Variants in NPAS3 observed in about 807,000 individuals in gnomAD.
The protein encoded by NPAS3 is neuronal PAS domain-containing protein 3.
A neutral mutation model predicts 73.1 loss-of-function variants in NPAS3; 14 were observed. That is an observed-to-expected ratio of 0.19 (90% CI 0.13 to 0.30). NPAS3 has a LOEUF of 0.30. Ranked by LOEUF, NPAS3 falls within the 10% of genes least tolerant of loss-of-function variation. NPAS3 has a pLI of 1.00. For missense variants in NPAS3, 1,096 were observed against 1,250.0 expected (o/e 0.88, Z 1.86); for synonymous variants, 620 against 541.5 (o/e 1.14, Z -2.01).
At chr14:33,422,217 T>G (rs2048384499) in intron 4 of NPAS3, among the ~76,000 whole-genome samples, 1 of 151,980 alleles carries the variant, frequency 6.6e-6, no homozygotes, top group Admixed American at 6.6e-5. Flanking sequence ...ATTTTGAGAT[T>G]CTCATCTGAG....
intron 5 of NPAS3, among the ~76,000 whole-genome samples, chr14:33,623,044 C>T (rs2058122224): frequency 1.3e-5 from 2 of 151,990 alleles, no homozygotes; most frequent in South Asian, 4.2e-4. Context: ...AATATCAAGA[C>T]CTACAGTAAC....
intron 2 of NPAS3, among the ~76,000 whole-genome samples, chr14:33,198,862 G>A (rs1252689718): frequency 1.3e-5 from 2 of 152,222 alleles, no homozygotes; most frequent in African/African-American, 2.4e-5. Context: ...CAGGCTGCAG[G>A]TCCCGGAGCC....
At chr14:33,198,394 G>A (rs2046465913) in intron 2 of NPAS3, among the ~76,000 whole-genome samples, 1 of 152,186 alleles carries the variant, frequency 6.6e-6, no homozygotes, top group South Asian at 2.1e-4. Flanking sequence ...TTGACAGGGT[G>A]CTGATTGGCA....
chr14:33,308,976 G>A (rs968844879), intron 3 of NPAS3, among the ~76,000 whole-genome samples: 1 of 151,960 alleles, frequency 6.6e-6, no homozygotes, highest in East Asian at 1.9e-4. Context: ...AGAAATTTGC[G>A]AAAGAAAAAC....
At chr14:32,957,695 C>T (rs377407691) in intron 1 of NPAS3, among the ~76,000 whole-genome samples, 1 of 152,104 alleles carries the variant, frequency 6.6e-6, no homozygotes, top group Non-Finnish European at 1.5e-5. Flanking sequence ...TCTATTCCAG[C>T]ATTCTATTTT....
In NPAS3 at chr14:33,798,255, C is replaced by T. The variant is rs187454129; in HGVS notation, c.1426+674C>T. On this transcript the variant is annotated intron_variant, in intron 11 of 11. Transcript: ENST00000356141. ...TGCATTTTCATTTCCTTTGGGGAAGCGGACTTCCTGAGTAGTTCTTTGGGA... is the reference window on the plus strand; with the variant it reads ...TGCATTTTCATTTCCTTTGGGGAAGTGGACTTCCTGAGTAGTTCTTTGGGA... Among the ~76,000 whole-genome samples, 6 of 152,252 alleles carry T rather than the reference C, an allele frequency of 3.9e-5. No homozygotes were observed. The East Asian group carries it at 7.7e-4, about 20-fold the overall frequency.
intron 7 of NPAS3, among the ~76,000 whole-genome samples, chr14:33,752,117 C>T (rs1328801471): frequency 1.3e-5 from 2 of 152,134 alleles, no homozygotes; most frequent in Non-Finnish European, 2.9e-5. Flanking sequence ...GAAAACCTCT[C>T]CCTTTCTTTC....
At chr14:33,465,120 A>G (rs183760456) in intron 4 of NPAS3, among the ~76,000 whole-genome samples, 1 of 152,246 alleles carries the variant, frequency 6.6e-6, no homozygotes, top group East Asian at 1.9e-4. Flanking sequence ...CAAATTATGT[A>G]TTTGTAGTAT....
At chr14:33,353,025 T>A (rs1239916194) in intron 3 of NPAS3, among the ~76,000 whole-genome samples, 26 of 152,126 alleles carry the variant, frequency 1.7e-4, no homozygotes, top group Non-Finnish European at 2.9e-5. Flanking sequence ...GAGGTCAGCA[T>A]TTAGTATTTT....
chr14:32,938,470 A>AGAGAGAAATG (rs1434409380), upstream of NPAS3, among the ~76,000 whole-genome samples: 1 of 129,300 alleles, frequency 7.7e-6, no homozygotes. Flanking sequence ...AGAGAGAGAG[A>AGAGAGAAATG]GAGAGAGAGA....
intron 3 of NPAS3, among the ~76,000 whole-genome samples, chr14:33,271,410 C>T (rs2041072360): frequency 6.6e-6 from 1 of 151,958 alleles, no homozygotes; most frequent in Non-Finnish European, 1.5e-5. Flanking sequence ...CCATGACTCA[C>T]CTTGGGGAAG....
chr14:33,506,547 A>G (rs1398492702), intron 4 of NPAS3, among the ~76,000 whole-genome samples: 1 of 152,090 alleles, frequency 6.6e-6, no homozygotes, highest in African/African-American at 2.4e-5. Context: ...TGCTGGTTAC[A>G]ACATCACAGT....
intron 2 of NPAS3, among the ~76,000 whole-genome samples, chr14:33,211,839 A>G (rs750983550): frequency 6.6e-6 from 1 of 152,128 alleles, no homozygotes; most frequent in Non-Finnish European, 1.5e-5. Flanking sequence ...TTCATGAAGA[A>G]TCTCTTTTCT....
intron 3 of NPAS3, among the ~76,000 whole-genome samples, chr14:33,348,446 G>A (rs1179909370): frequency 3.2e-4 from 48 of 152,070 alleles, no homozygotes; most frequent in Non-Finnish European, 1.5e-4. Context: ...AAGTAATATC[G>A]ACGTAGCAAA....
chr14:33,157,234 G>A (rs1192491899), intron 2 of NPAS3, among the ~76,000 whole-genome samples: 1 of 152,080 alleles, frequency 6.6e-6, no homozygotes, highest in Non-Finnish European at 1.5e-5. Flanking sequence ...AGTTACATAA[G>A]GTTCAAATTA....
intron 5 of NPAS3, among the ~76,000 whole-genome samples, chr14:33,663,130 G>A (rs2059357317): frequency 6.6e-6 from 1 of 151,998 alleles, no homozygotes; most frequent in South Asian, 2.1e-4. Context: ...TAGGAGAGAG[G>A]GCATCCTTGT....
chr14:33,040,061 CT>C (rs201575628), intron 1 of NPAS3, among the ~76,000 whole-genome samples: 11 of 151,120 alleles, frequency 7.3e-5, no homozygotes, highest in Admixed American at 5.3e-4. Flanking sequence ...TTCTTTTTTT[CT>C]TTTTTTTTAC....
chr14:33,095,884 G>C (rs2042402984), intron 2 of NPAS3, among the ~76,000 whole-genome samples: 1 of 151,538 alleles, frequency 6.6e-6, no homozygotes. Context: ...GTGTTTGCCA[G>C]GATGGTCTCG....
chr14:33,428,055 A>T (rs937281913), intron 4 of NPAS3, among the ~76,000 whole-genome samples: 1 of 152,146 alleles, frequency 6.6e-6, no homozygotes, highest in South Asian at 2.1e-4. Context: ...TGAAGAATCT[A>T]TAGGCTCAAC....
Sources: gnomAD v4.1 joint callset for allele counts (sites outside exome capture counted in the v4.1 genomes callset) on GRCh38, gnomAD v4.1.1 for gene constraint, MANE v1.5 for transcripts, NCBI Gene and HGNC (gene_info 2026-07-23, HGNC 2026-07-21) for gene names.